ZNF69: variants seen among roughly 807,000 people sequenced by gnomAD.
ZNF69 encodes the protein zinc finger protein 69.
ZNF69 carries 47 observed loss-of-function variants against 50.9 expected under a neutral mutation model. That is an observed-to-expected ratio of 0.92 (90% CI 0.73 to 1.18). The LOEUF is 1.18. Among genes scored for constraint, ZNF69 ranks in the 50% most tolerant of loss-of-function variants. The pLI is 0.00. For missense variants in ZNF69, 717 were observed against 675.1 expected (o/e 1.06, Z -0.69); for synonymous variants, 216 against 223.1 (o/e 0.97, Z 0.29).
chr19:11,936,258 G>A, the ZNF69 span, among the ~76,000 whole-genome samples: 15 of 152,228 alleles, frequency 9.9e-5, 1 homozygote, highest in South Asian at 4.1e-4. Context: ...TTGAGGAATC[G>A]CCACACTGTC....
At chr19:11,948,518 A>G in the ZNF69 span, 28 of 1,612,218 alleles carry the variant, frequency 1.7e-5, no homozygotes, top group Non-Finnish European at 2.3e-5. Flanking sequence ...AAGCCATATA[A>G]GTGTCAACAA....
the ZNF69 span, among the ~76,000 whole-genome samples, chr19:11,951,999 A>T: frequency 6.6e-6 from 1 of 152,020 alleles, no homozygotes; most frequent in African/African-American, 2.4e-5. Context: ...ATATGATGAA[A>T]CCCCATCTCT....
At chr19:11,973,321 T>C in the ZNF69 span, among the ~76,000 whole-genome samples, 12 of 152,228 alleles carry the variant, frequency 7.9e-5, no homozygotes, top group Non-Finnish European at 1.5e-4. Context: ...GACTTGCTTC[T>C]TTCATGTAAA....
chr19:11,911,401 T>G (rs1036686565), downstream of ZNF69, among the ~76,000 whole-genome samples: 3 of 152,154 alleles, frequency 2.0e-5, no homozygotes, highest in African/African-American at 7.2e-5. Flanking sequence ...CTATTCACAA[T>G]AGCAAAGACT....
chr19:11,949,968 T>G, the ZNF69 span: 1 of 1,614,110 alleles, frequency 6.2e-7, no homozygotes, highest in Non-Finnish European at 8.5e-7. Flanking sequence ...AGAAACCCTA[T>G]GAATGTAAGG....
chr19:11,914,492 A>AT (rs1363025850), downstream of ZNF69, among the ~76,000 whole-genome samples: 5 of 152,084 alleles, frequency 3.3e-5, no homozygotes. Flanking sequence ...ATAAAGCTAT[A>AT]TTTTTTCAAT....
At chr19:11,962,831 G>T in the ZNF69 span, among the ~76,000 whole-genome samples, 192 of 152,270 alleles carry the variant, frequency 1.3e-3, 3 homozygotes, top group South Asian at 6.4e-3. Flanking sequence ...TGCTGAAGGT[G>T]CTGCAAGCTT....
chr19:11,911,786 T>A, intron 4 of ZNF69, among the ~76,000 whole-genome samples: 1 of 152,078 alleles, frequency 6.6e-6, no homozygotes, highest in East Asian at 1.9e-4. Context: ...AACCTGCACA[T>A]TGTGCACATG....
intron 1 of ZNF69, among the ~76,000 whole-genome samples, chr19:11,893,377 G>T (rs991187634): frequency 2.0e-5 from 3 of 151,996 alleles, no homozygotes; most frequent in African/African-American, 7.3e-5. Context: ...CAAATATATG[G>T]GATGCCGGAT....
At chr19:11,965,354 T>C in the ZNF69 span, 1 of 1,175,068 alleles carries the variant, frequency 8.5e-7, no homozygotes, top group Non-Finnish European at 1.2e-6. Context: ...CGGCCCTCGG[T>C]CCCCTCGGCC....
downstream of ZNF69, among the ~76,000 whole-genome samples, chr19:11,917,886 C>G (rs1972535681): frequency 2.7e-5 from 4 of 149,658 alleles, no homozygotes; most frequent in Non-Finnish European, 5.9e-5. Context: ...CTCCTGGGCT[C>G]AAGCAACTGT....
the ZNF69 span, among the ~76,000 whole-genome samples, chr19:11,951,289 C>G: frequency 6.9e-6 from 1 of 145,786 alleles, no homozygotes; most frequent in Non-Finnish European, 1.5e-5. Flanking sequence ...AGTGCAGTGG[C>G]GCAGTCTCAG....
the ZNF69 span, among the ~76,000 whole-genome samples, chr19:11,923,396 A>T: frequency 1.3e-5 from 2 of 151,948 alleles, no homozygotes; most frequent in Admixed American, 1.3e-4. Context: ...CACAAGCTGC[A>T]ACAGCACCCC....
At chr19:11,897,904 GA>G (rs1199504941) in intron 1 of ZNF69, among the ~76,000 whole-genome samples, 2 of 150,310 alleles carry the variant, frequency 1.3e-5, no homozygotes, top group Non-Finnish European at 3.0e-5. Context: ...AAAGAAAAAA[GA>G]AAAAAATTAG....
rs144023373 is a variant in ZNF69 at position 11,895,351 on chromosome 19, C to T, written c.63+7365C>T. Among the ~76,000 whole-genome samples, 389 of 152,332 alleles carry T rather than the reference C, an allele frequency of 2.6e-3. 3 individuals are homozygous for T. The highest frequency in any genetic ancestry group is 9.1e-3 in the African/African-American group (379 of 41,582). Reference sequence around the variant, plus strand: ...ACATCCAGGATGCACATTCAACCAGCAGGTGGGGAGCAAGACAGACAGGGA... The same window carrying T: ...ACATCCAGGATGCACATTCAACCAGTAGGTGGGGAGCAAGACAGACAGGGA... On this transcript the variant is annotated intron_variant, in intron 1 of 3. Coordinates refer to ENST00000429654, the MANE Select transcript of ZNF69 (RefSeq NM_001364730.1).
the ZNF69 span, chr19:11,949,726 C>T: frequency 1.9e-6 from 3 of 1,610,134 alleles, no homozygotes; most frequent in Non-Finnish European, 8.5e-7. Context: ...TGAGTGTAAG[C>T]AATGTGGGAA....
At chr19:11,950,613 T>A in the ZNF69 span, 130 of 446,688 alleles carry the variant, frequency 2.9e-4, no homozygotes, top group Admixed American at 8.2e-4. Context: ...GGAGAAACTC[T>A]ATGAATGTAA....
the ZNF69 span, among the ~76,000 whole-genome samples, chr19:11,941,473 G>A: frequency 8.4e-4 from 128 of 152,326 alleles, no homozygotes; most frequent in African/African-American, 3.0e-3. Flanking sequence ...GTGAGAAATC[G>A]AGCGCAGCAC....
the ZNF69 span, among the ~76,000 whole-genome samples, chr19:11,944,305 A>T: frequency 6.8e-6 from 1 of 147,150 alleles, no homozygotes; most frequent in Non-Finnish European, 1.5e-5. Context: ...GTTTTTCTAG[A>T]AGGGGTAAAT....
Sources: allele counts gnomAD v4.1 joint callset (sites outside exome capture counted in the v4.1 genomes callset), GRCh38; gene constraint gnomAD v4.1.1; transcripts MANE v1.5; gene names NCBI Gene and HGNC (gene_info 2026-07-23, HGNC 2026-07-21).